Variants in KLHL4 observed in about 807,000 individuals in gnomAD.
The protein encoded by KLHL4 is kelch like family member 4.
A neutral mutation model predicts 45.8 loss-of-function variants in KLHL4; 17 were observed. The observed-to-expected ratio is 0.37, with a 90% CI of 0.25 to 0.56. The LOEUF (loss-of-function observed/expected upper bound fraction) is 0.56. Among genes scored for constraint, KLHL4 ranks in the 20% least tolerant of loss-of-function variants. The probability of loss-of-function intolerance (pLI) is 0.79; values close to 1 mark genes in which losing one functional copy is unlikely to be tolerated. For synonymous variants in KLHL4, 224 were observed against 189.9 expected (o/e 1.18, Z -1.47); for missense variants, 544 against 544.9 (o/e 1.00, Z 0.02).
chrX:87,582,811 A>G (rs1367384725), intron 1 of KLHL4, among the ~76,000 whole-genome samples: 2 of 111,765 alleles, frequency 1.8e-5, no homozygotes, highest in Non-Finnish European at 3.8e-5. Flanking sequence ...GGACCCAAAT[A>G]GTGAGCAGCA....
At chrX:87,593,279 CT>C (rs1921735540) in intron 1 of KLHL4, among the ~76,000 whole-genome samples, 1 of 111,038 alleles carries the variant, frequency 9.0e-6, no homozygotes, top group African/African-American at 3.3e-5. Context: ...TCTTTCTGTC[CT>C]TTGCCCTATT....
rs1179642745 is a variant in KLHL4 at position 87,668,349 on chromosome X, T to C, written c.*1815T>C. The C allele has an allele frequency of 6.6e-6, 5 of 752,567 alleles. No homozygotes were observed. The highest frequency in any genetic ancestry group is 7.8e-6 in the Non-Finnish European group (5 of 638,835). 62.0% of individuals were successfully genotyped at this position (752,567 alleles called of 1,213,427 possible). ...CGAGGTGCTACCAATAGGCAGACTGTGTCTAGAGTCATGCATGGACAAGAG... is the reference window on the plus strand; with the variant it reads ...CGAGGTGCTACCAATAGGCAGACTGCGTCTAGAGTCATGCATGGACAAGAG... On this transcript the variant is annotated 3_prime_UTR_variant, in exon 11 of 11. Coordinates refer to ENST00000373119, the MANE Select transcript of KLHL4 (RefSeq NM_019117.5).
chrX:87,627,751 A>C (rs1207209131), intron 6 of KLHL4, among the ~76,000 whole-genome samples: 1 of 112,026 alleles, frequency 8.9e-6, no homozygotes. Flanking sequence ...TTAAAAATGC[A>C]AGTACAGTTA....
intron 1 of KLHL4, among the ~76,000 whole-genome samples, chrX:87,564,964 T>A (rs186805989): frequency 4.9e-4 from 55 of 111,900 alleles, no homozygotes; most frequent in African/African-American, 1.7e-3. Flanking sequence ...ATACAAAAAA[T>A]TTCTTCTCTG....
intron 1 of KLHL4, among the ~76,000 whole-genome samples, chrX:87,608,277 C>T (rs377283041): frequency 9.0e-6 from 1 of 111,662 alleles, no homozygotes; most frequent in East Asian, 2.8e-4. Context: ...GCCTCATAAA[C>T]GCCAGGAGAT....
intron 1 of KLHL4, among the ~76,000 whole-genome samples, chrX:87,540,626 G>A (rs1398309525): frequency 1.8e-5 from 2 of 111,148 alleles, no homozygotes; most frequent in African/African-American, 6.5e-5. Flanking sequence ...TCATACACAT[G>A]GAGCTGTATC....
chrX:87,619,013 A>G (rs946375683), intron 4 of KLHL4, among the ~76,000 whole-genome samples: 16 of 111,949 alleles, frequency 1.4e-4, no homozygotes, highest in Non-Finnish European at 1.7e-4. Flanking sequence ...GATATTCAAT[A>G]AAGCCTTACA....
intron 9 of KLHL4, among the ~76,000 whole-genome samples, chrX:87,639,149 C>A (rs1196066671): frequency 9.0e-6 from 1 of 111,226 alleles, no homozygotes; most frequent in African/African-American, 3.3e-5. Flanking sequence ...GAAAATATCA[C>A]AATCCTAAAT....
At chrX:87,556,252 G>A (rs1318351072) in intron 1 of KLHL4, among the ~76,000 whole-genome samples, 1 of 110,535 alleles carries the variant, frequency 9.0e-6, no homozygotes, top group Non-Finnish European at 1.9e-5. Flanking sequence ...ATTCACAATA[G>A]CAAAGACTTG....
chrX:87,661,754 T>A (rs1259266616), intron 9 of KLHL4, among the ~76,000 whole-genome samples: 2 of 112,020 alleles, frequency 1.8e-5, no homozygotes, highest in Non-Finnish European at 3.8e-5. Context: ...AAAATTTTTT[T>A]AAAAAGAGAA....
At position 87,668,594 on chromosome X, in the gene KLHL4, C is replaced by CCTT; in HGVS notation, c.*2061_*2063dup. ...ATGTAGCAGTACTGAGAGGCAGGGC[C>CCTT]CTTAAGAGGTGATTGGGCCATGAGG... is the stretch of plus-strand genomic sequence containing the variant. On this transcript the variant is annotated 3_prime_UTR_variant, in exon 11 of 11. Transcript: ENST00000373119. The CCTT allele has an allele frequency of 2.5e-6, 1 of 403,304 alleles. No individual in the cohort carries two copies. The highest frequency in any genetic ancestry group is 2.0e-4 in the East Asian group (1 of 4,949). 33.2% of individuals were successfully genotyped at this position (403,304 alleles called of 1,213,427 possible).
rs924679801 is a variant in KLHL4, at chrX:87,668,179, C to G, written c.*1645C>G. ...CCTGTTAGGTCTTTTGAATTCACAC[C>G]TTATTGAAATCAGTGTAGAAGTAGA... On this transcript the variant is annotated 3_prime_UTR_variant, in exon 11 of 11. Coordinates refer to ENST00000373119, the MANE Select transcript of KLHL4 (RefSeq NM_019117.5). 1 of 748,265 alleles carries G rather than the reference C, an allele frequency of 1.3e-6. No individual in the cohort carries two copies. The highest frequency in any genetic ancestry group is 8.8e-5 in the Admixed American group (1 of 11,349). 61.7% of individuals were successfully genotyped at this position (748,265 alleles called of 1,213,427 possible).
At chrX:87,665,138 G>C (rs971324183) in intron 10 of KLHL4, among the ~76,000 whole-genome samples, 12 of 111,016 alleles carry the variant, frequency 1.1e-4, no homozygotes, top group Admixed American at 1.9e-4. Flanking sequence ...TTGATAGCAG[G>C]ACCCATCAAC....
chrX:87,597,434 A>G (rs762327358), intron 1 of KLHL4, among the ~76,000 whole-genome samples: 1 of 111,524 alleles, frequency 9.0e-6, no homozygotes, highest in Non-Finnish European at 1.9e-5. Context: ...TACCACTTTA[A>G]AGTGGTTTTC....
intron 1 of KLHL4, among the ~76,000 whole-genome samples, chrX:87,611,873 T>A (rs1188951140): frequency 9.0e-6 from 1 of 111,094 alleles, no homozygotes; most frequent in African/African-American, 3.3e-5. Flanking sequence ...AAGACAGTGA[T>A]ATTGATGATC....
intron 9 of KLHL4, among the ~76,000 whole-genome samples, chrX:87,662,479 C>A (rs1395176016): frequency 1.8e-5 from 2 of 111,656 alleles, no homozygotes; most frequent in South Asian, 3.7e-4. Flanking sequence ...AAAAGTTAAT[C>A]TTTGGGAGTC....
rs773114497 is a variant in KLHL4 at position 87,625,666 on chromosome X, G to T, written c.1194G>T (p.Lys398Asn). 1 of 1,208,414 alleles carries T rather than the reference G, an allele frequency of 8.3e-7. No individual in the cohort carries two copies. The highest frequency in any genetic ancestry group is 2.3e-4 in the Middle Eastern group (1 of 4,341). Reference protein sequence around the residue: ...SMFTGDLECQKLLMEAMKYHL... With the variant: ...SMFTGDLECQNLLMEAMKYHL... ...TTACTGGTGATCTTGAGTGTCAGAA[G>T]CTCCTGATGGAAGCTATGAAGTATC... The change falls in exon 6 of 11, where the codon AAG (lysine) becomes AAT (asparagine). Residue 398 changes from lysine (K) to asparagine (N), a missense_variant. By Grantham distance (94) the Lys-to-Asn change is moderately conservative. Transcript: ENST00000373119.
intron 1 of KLHL4, among the ~76,000 whole-genome samples, chrX:87,576,904 ACAT>A (rs1921119676): frequency 1.8e-5 from 2 of 112,183 alleles, no homozygotes; most frequent in East Asian, 5.6e-4. Flanking sequence ...TTGAAATGAA[ACAT>A]CATATTTTAA....
chrX:87,594,616 T>C (rs990006512), intron 1 of KLHL4, among the ~76,000 whole-genome samples: 2 of 111,503 alleles, frequency 1.8e-5, no homozygotes, highest in African/African-American at 6.5e-5. Flanking sequence ...TTTTCACACA[T>C]TGATCTGCGT....
Sources: allele counts gnomAD v4.1 joint callset (sites outside exome capture counted in the v4.1 genomes callset), GRCh38; gene constraint gnomAD v4.1.1; transcripts MANE v1.5; gene names NCBI Gene and HGNC (gene_info 2026-07-23, HGNC 2026-07-21).